The following RASEF variants were observed in gnomAD, a reference collection of about 807,000 sequenced individuals.
RASEF encodes RAS and EF-hand domain containing, also known as ras and EF-hand domain-containing protein.
In RASEF, 68 loss-of-function variants were observed where a neutral mutation model predicts 90.1. The observed-to-expected ratio is 0.75, with a 90% CI of 0.62 to 0.92. The LOEUF (loss-of-function observed/expected upper bound fraction) is 0.92, where lower values mean the gene tolerates loss of function less well. Ranked by LOEUF, RASEF falls within the 40% of genes least tolerant of loss-of-function variation. RASEF has a pLI of 0.00. For missense variants in RASEF, 949 were observed against 937.2 expected (o/e 1.01, Z -0.16); for synonymous variants, 331 against 345.2 (o/e 0.96, Z 0.46).
the RASEF span, among the ~76,000 whole-genome samples, chr9:83,099,413 C>A: frequency 6.6e-6 from 1 of 152,168 alleles, no homozygotes; most frequent in Non-Finnish European, 1.5e-5. Context: ...TAGGCGAGAT[C>A]CTGTTCACCA....
At chr9:83,127,140 G>C in the RASEF span, among the ~76,000 whole-genome samples, 3 of 152,118 alleles carry the variant, frequency 2.0e-5, no homozygotes, top group Non-Finnish European at 4.4e-5. Context: ...TAAAAAATAT[G>C]AGCTAGCCAC....
intron 3 of RASEF, among the ~76,000 whole-genome samples, chr9:83,017,903 C>T (rs965975509): frequency 1.2e-4 from 18 of 152,126 alleles, no homozygotes; most frequent in African/African-American, 3.9e-4. Context: ...AAAAATCAAT[C>T]AATGTAATTT....
chr9:83,153,818 C>G, the RASEF span, among the ~76,000 whole-genome samples: 3 of 152,194 alleles, frequency 2.0e-5, no homozygotes, highest in African/African-American at 7.2e-5. Context: ...TGGCACGTTC[C>G]CTGGCAGCCC....
At chr9:83,139,790 G>GA in the RASEF span, among the ~76,000 whole-genome samples, 1 of 152,148 alleles carries the variant, frequency 6.6e-6, no homozygotes, top group Admixed American at 6.5e-5. Flanking sequence ...AAGGGTCATG[G>GA]AAAACAACTT....
the RASEF span, among the ~76,000 whole-genome samples, chr9:83,177,734 C>T: frequency 2.2e-4 from 33 of 151,792 alleles, no homozygotes; most frequent in East Asian, 2.9e-3. Flanking sequence ...TGGGTCTTTT[C>T]GTATTTATCC....
chr9:83,119,029 A>G, the RASEF span, among the ~76,000 whole-genome samples: 1 of 146,300 alleles, frequency 6.8e-6, no homozygotes, highest in African/African-American at 2.5e-5. Flanking sequence ...TTTTTTAAAG[A>G]TGGAGTCTTG....
At chr9:83,027,077 G>A (rs1829561647) in intron 1 of RASEF, among the ~76,000 whole-genome samples, 1 of 152,120 alleles carries the variant, frequency 6.6e-6, no homozygotes, top group African/African-American at 2.4e-5. Flanking sequence ...ACTTGACTTA[G>A]GTTTACCAGT....
At chr9:83,197,876 C>T in the RASEF span, among the ~76,000 whole-genome samples, 7 of 152,248 alleles carry the variant, frequency 4.6e-5, no homozygotes, top group Non-Finnish European at 4.4e-5. Flanking sequence ...GGTCTCTCCT[C>T]TGCTTCCGCT....
At chr9:83,162,638 A>T in the RASEF span, among the ~76,000 whole-genome samples, 3 of 152,212 alleles carry the variant, frequency 2.0e-5, no homozygotes, top group Non-Finnish European at 4.4e-5. Flanking sequence ...AAAACCAACA[A>T]TTCTTCTTAG....
At chr9:83,139,039 C>A in the RASEF span, among the ~76,000 whole-genome samples, 2 of 152,086 alleles carry the variant, frequency 1.3e-5, no homozygotes, top group African/African-American at 4.8e-5. Context: ...CTGGAAATGG[C>A]AGCATTGCAG....
At chr9:83,039,258 C>T (rs1238387907) in intron 1 of RASEF, among the ~76,000 whole-genome samples, 1 of 152,126 alleles carries the variant, frequency 6.6e-6, no homozygotes, top group Admixed American at 6.5e-5. Flanking sequence ...CCCTGCCACT[C>T]TTTATCTGAG....
At chr9:83,180,445 G>A in the RASEF span, among the ~76,000 whole-genome samples, 3 of 151,636 alleles carry the variant, frequency 2.0e-5, no homozygotes, top group Admixed American at 2.0e-4. Context: ...CATAGTAAAT[G>A]GGGAAGCTCC....
the RASEF span, among the ~76,000 whole-genome samples, chr9:83,215,225 A>C: frequency 6.6e-6 from 1 of 152,136 alleles, no homozygotes; most frequent in Admixed American, 6.5e-5. Flanking sequence ...TCCACCACTC[A>C]ATAAAACTTC....
the RASEF span, among the ~76,000 whole-genome samples, chr9:83,197,561 C>A: frequency 6.6e-6 from 1 of 152,096 alleles, no homozygotes; most frequent in Admixed American, 6.6e-5. Context: ...TGGTGCCATT[C>A]AACCATGGTT....
intron 1 of RASEF, among the ~76,000 whole-genome samples, chr9:83,041,366 T>C (rs1294757291): frequency 6.6e-6 from 1 of 152,236 alleles, no homozygotes; most frequent in Non-Finnish European, 1.5e-5. Context: ...GATTTTTACC[T>C]ACCTACCTTG....
the RASEF span, among the ~76,000 whole-genome samples, chr9:83,108,592 T>C: frequency 6.6e-6 from 1 of 152,182 alleles, no homozygotes; most frequent in Non-Finnish European, 1.5e-5. Flanking sequence ...AAACACAGCT[T>C]CTTAAGTAAA....
chr9:83,074,966 G>A, the RASEF span, among the ~76,000 whole-genome samples: 2 of 151,886 alleles, frequency 1.3e-5, no homozygotes, highest in African/African-American at 4.8e-5. Flanking sequence ...CAGGAAGACT[G>A]GAAATTATAT....
chr9:83,003,379 C>T (rs1239816018), intron 9 of RASEF, among the ~76,000 whole-genome samples: 1 of 152,130 alleles, frequency 6.6e-6, no homozygotes, highest in Non-Finnish European at 1.5e-5. Context: ...TACTCCAGTT[C>T]TTATGAGGCT....
the RASEF span, among the ~76,000 whole-genome samples, chr9:83,084,254 G>T: frequency 9.9e-5 from 15 of 152,040 alleles, no homozygotes; most frequent in Non-Finnish European, 1.5e-5. Flanking sequence ...ACATTATGAA[G>T]ATCCTAAATT....
Sources: gnomAD v4.1 joint callset for allele counts (sites outside exome capture counted in the v4.1 genomes callset) on GRCh38, gnomAD v4.1.1 for gene constraint, MANE v1.5 for transcripts, NCBI Gene and HGNC (gene_info 2026-07-23, HGNC 2026-07-21) for gene names.